Variants in ZEB1 observed in about 807,000 individuals in gnomAD.
ZEB1 encodes the protein zinc finger E-box binding homeobox 1, also known as zinc finger E-box-binding homeobox 1.
In ZEB1, 21 loss-of-function variants were observed where a neutral mutation model predicts 84.9. The ratio of observed to expected loss-of-function variants is 0.25; its 90% confidence interval spans 0.18 to 0.36. The LOEUF (loss-of-function observed/expected upper bound fraction) is 0.36. Among genes scored for constraint, ZEB1 ranks in the 10% least tolerant of loss-of-function variants. The probability of loss-of-function intolerance (pLI) is 1.00; values close to 1 mark genes in which losing one functional copy is unlikely to be tolerated. For missense variants in ZEB1, 1,104 were observed against 1,330.2 expected (o/e 0.83, Z 2.65); for synonymous variants, 420 against 471.1 (o/e 0.89, Z 1.41).
At chr10:31,326,942 C>G (rs1449250499) in intron 1 of ZEB1, among the ~76,000 whole-genome samples, 3 of 152,086 alleles carry the variant, frequency 2.0e-5, no homozygotes, top group African/African-American at 4.8e-5. Flanking sequence ...TTCACTCTAT[C>G]CTTCCTACCT....
chr10:31,491,672 T>C (rs1253727348), intron 2 of ZEB1, among the ~76,000 whole-genome samples: 4 of 151,924 alleles, frequency 2.6e-5, no homozygotes, highest in African/African-American at 9.7e-5. Context: ...TTAGAGTCTT[T>C]AAATAACCGT....
At chr10:31,331,837 T>G (rs2036866623) in intron 1 of ZEB1, among the ~76,000 whole-genome samples, 1 of 152,160 alleles carries the variant, frequency 6.6e-6, no homozygotes, top group East Asian at 1.9e-4. Flanking sequence ...TGGCTAGAGA[T>G]GAGGCTGGAG....
intron 1 of ZEB1, among the ~76,000 whole-genome samples, chr10:31,389,160 A>G (rs1398230431): frequency 6.6e-6 from 1 of 152,136 alleles, no homozygotes; most frequent in African/African-American, 2.4e-5. Context: ...CAGTATCAAA[A>G]ATAAGATCAT....
rs1429797581 is a variant in ZEB1, at chr10:31,443,939, G to A, written c.59-17098G>A. 1.5e-3 allele frequency among the ~76,000 whole-genome samples: 225 copies of A among 149,704 alleles called. 1 individual carries two copies. Among genetic ancestry groups the A allele is most frequent in the African/African-American group, 4.6e-3 (187 of 40,354 alleles). ...TTGGGTATATACCCAGTAATGGGAT[G>A]GCTGGGTCAAATGGTATTTCTAGTT... is the stretch of plus-strand genomic sequence containing the variant. On this transcript the variant is annotated intron_variant, in intron 1 of 8. Transcript: ENST00000424869.
At chr10:31,526,437 T>C (rs560784985) in intron 8 of ZEB1, among the ~76,000 whole-genome samples, 3 of 152,336 alleles carry the variant, frequency 2.0e-5, no homozygotes, top group South Asian at 4.1e-4. Flanking sequence ...TTCAATGTCA[T>C]GTAGCTCCCA....
intron 5 of ZEB1, among the ~76,000 whole-genome samples, chr10:31,513,055 C>A (rs893012153): frequency 6.6e-6 from 1 of 152,090 alleles, no homozygotes. Flanking sequence ...GGATGCCTGT[C>A]AAGGATCCAG....
intron 1 of ZEB1, among the ~76,000 whole-genome samples, chr10:31,400,922 T>C (rs1394362331): frequency 6.6e-6 from 1 of 152,200 alleles, no homozygotes; most frequent in East Asian, 1.9e-4. Context: ...ATTTTCTCAA[T>C]TATGACATAC....
intron 1 of ZEB1, among the ~76,000 whole-genome samples, chr10:31,405,937 T>C (rs768295987): frequency 7.9e-5 from 12 of 152,140 alleles, no homozygotes; most frequent in Non-Finnish European, 1.6e-4. Context: ...AGTGAGAACA[T>C]GCGGTGTTTG....
intron 1 of ZEB1, among the ~76,000 whole-genome samples, chr10:31,451,222 G>A (rs2060528691): frequency 6.6e-6 from 1 of 152,048 alleles, no homozygotes; most frequent in Non-Finnish European, 1.5e-5. Context: ...AAATTTATTT[G>A]CTTAGGTTTG....
Position 31,511,330 on chromosome 10 carries a change from G to T in ZEB1, c.687+455G>T, listed in dbSNP as rs572051988. 5.7e-3 allele frequency among the ~76,000 whole-genome samples: 872 copies of T among 152,144 alleles called. 8 individuals are homozygous for T. Among genetic ancestry groups the T allele is most frequent in the African/African-American group, 0.02 (828 of 41,518 alleles). On this transcript the variant is annotated intron_variant, in intron 5 of 8. Coordinates refer to ENST00000424869, the MANE Select transcript of ZEB1 (RefSeq NM_001174096.2). ...ATTTATTCTCAGTATAAGCTACGTGGTTTTTTTCCCCCGTAGTAAAGGGAG... is the reference window on the plus strand; with the variant it reads ...ATTTATTCTCAGTATAAGCTACGTGTTTTTTTTCCCCCGTAGTAAAGGGAG...
chr10:31,449,697 T>G (rs1388400418), intron 1 of ZEB1, among the ~76,000 whole-genome samples: 1 of 152,160 alleles, frequency 6.6e-6, no homozygotes, highest in Admixed American at 6.5e-5. Flanking sequence ...TTCTGTAGCT[T>G]CAAGATAAAG....
At chr10:31,510,621 G>A (rs2069812684) in intron 4 of ZEB1, 52 bp from the exon 5 acceptor site, 14 of 1,503,882 alleles carry the variant, frequency 9.3e-6, no homozygotes, top group Non-Finnish European at 1.2e-5. Flanking sequence ...GGAAACTTTG[G>A]TAATATTTTC....
intron 1 of ZEB1, among the ~76,000 whole-genome samples, chr10:31,383,682 A>G (rs1229884517): frequency 6.6e-6 from 1 of 152,188 alleles, no homozygotes; most frequent in Non-Finnish European, 1.5e-5. Context: ...AAAATTCAGT[A>G]CCTTAATCAC....
chr10:31,465,655 C>A (rs1336838351), intron 2 of ZEB1, among the ~76,000 whole-genome samples: 2 of 152,050 alleles, frequency 1.3e-5, no homozygotes, highest in Admixed American at 6.6e-5. Flanking sequence ...TGCTGTGTCA[C>A]CAGGGTAGAG....
intron 1 of ZEB1, among the ~76,000 whole-genome samples, chr10:31,364,496 C>T (rs115472950): frequency 0.016 from 2,368 of 152,304 alleles, 61 homozygotes; most frequent in African/African-American, 0.053. Flanking sequence ...CCAGCCAGAT[C>T]GCGCCAGGCT....
chr10:31,433,278 G>A (rs1462933282), intron 1 of ZEB1, among the ~76,000 whole-genome samples: 1 of 152,126 alleles, frequency 6.6e-6, no homozygotes, highest in Non-Finnish European at 1.5e-5. Flanking sequence ...ATCACTAATA[G>A]CAGCACCAAT....
At chr10:31,384,967 C>T (rs2048358876) in intron 1 of ZEB1, among the ~76,000 whole-genome samples, 1 of 152,118 alleles carries the variant, frequency 6.6e-6, no homozygotes, top group African/African-American at 2.4e-5. Context: ...ACCCCTTCCC[C>T]CCAAAGTTAG....
intron 1 of ZEB1, among the ~76,000 whole-genome samples, chr10:31,381,497 A>G (rs2047623931): frequency 6.6e-6 from 1 of 152,224 alleles, no homozygotes; most frequent in Non-Finnish European, 1.5e-5. Context: ...AATCAAGAAT[A>G]TTGGCAAATT....
intron 4 of ZEB1, among the ~76,000 whole-genome samples, chr10:31,509,700 T>C (rs1301013311): frequency 6.6e-6 from 1 of 152,232 alleles, no homozygotes; most frequent in Non-Finnish European, 1.5e-5. Context: ...GGAGATTTTA[T>C]GAAATTATCT....
Sources: allele counts gnomAD v4.1 joint callset (sites outside exome capture counted in the v4.1 genomes callset), GRCh38; gene constraint gnomAD v4.1.1; transcripts MANE v1.5; gene names NCBI Gene and HGNC (gene_info 2026-07-23, HGNC 2026-07-21).